Variants in KCNQ3 observed in about 807,000 individuals in gnomAD.
KCNQ3 encodes potassium voltage-gated channel subfamily KQT member 3.
Under a neutral mutation model 92.5 loss-of-function variants are expected in KCNQ3, and 30 were observed. That is an observed-to-expected ratio of 0.32 (90% CI 0.24 to 0.44). The LOEUF is 0.44. Among genes scored for constraint, KCNQ3 ranks in the 20% least tolerant of loss-of-function variants. The pLI is 1.00. For synonymous variants in KCNQ3, 450 were observed against 468.8 expected, an observed-to-expected ratio of 0.96 and a Z score of 0.52; for missense variants, 913 against 1,140.3, an observed-to-expected ratio of 0.80 and a Z score of 2.87.
chr8:132,338,619 G>T (rs1371262393), intron 1 of KCNQ3, among the ~76,000 whole-genome samples: 13 of 152,200 alleles, frequency 8.5e-5, no homozygotes, highest in African/African-American at 3.1e-4. Context: ...AGCCGAGGGT[G>T]TGAGAACACT....
At chr8:132,413,578 C>T (rs1453655593) in intron 1 of KCNQ3, among the ~76,000 whole-genome samples, 3 of 152,110 alleles carry the variant, frequency 2.0e-5, no homozygotes, top group African/African-American at 7.2e-5. Context: ...GGCCAGAATC[C>T]GAGAGGAATG....
intron 9 of KCNQ3, among the ~76,000 whole-genome samples, chr8:132,159,442 G>C (rs1027182790): frequency 3.3e-5 from 5 of 152,140 alleles, no homozygotes; most frequent in African/African-American, 1.2e-4. Context: ...CCAGAGCTTA[G>C]ACAGTAGCGG....
intron 9 of KCNQ3, among the ~76,000 whole-genome samples, chr8:132,153,104 T>C (rs1825687524): frequency 6.6e-6 from 1 of 152,266 alleles, no homozygotes; most frequent in Non-Finnish European, 1.5e-5. Flanking sequence ...TAACCCTGAT[T>C]GTTCCTGTGA....
intron 1 of KCNQ3, among the ~76,000 whole-genome samples, chr8:132,427,212 G>A (rs1323815025): frequency 6.6e-6 from 1 of 152,200 alleles, no homozygotes; most frequent in East Asian, 1.9e-4. Context: ...ACAGCAGGCT[G>A]ATGGCAGAGG....
At chr8:132,336,467 G>C (rs1219455925) in intron 1 of KCNQ3, among the ~76,000 whole-genome samples, 2 of 152,232 alleles carry the variant, frequency 1.3e-5, no homozygotes, top group Non-Finnish European at 2.9e-5. Context: ...CAGGGTTGGA[G>C]GATAATATTC....
intron 1 of KCNQ3, among the ~76,000 whole-genome samples, chr8:132,334,232 G>T (rs1388620187): frequency 6.6e-6 from 1 of 151,846 alleles, no homozygotes; most frequent in Non-Finnish European, 1.5e-5. Context: ...CTGTAATCTC[G>T]GAGGCGGAGG....
At chr8:132,242,994 A>G (rs1815043852) in intron 1 of KCNQ3, among the ~76,000 whole-genome samples, 1 of 152,196 alleles carries the variant, frequency 6.6e-6, no homozygotes, top group African/African-American at 2.4e-5. Flanking sequence ...TTACCCAAAG[A>G]AACAGTGGCA....
intron 1 of KCNQ3, among the ~76,000 whole-genome samples, chr8:132,354,508 T>G (rs1296292228): frequency 2.6e-5 from 4 of 152,188 alleles, no homozygotes; most frequent in African/African-American, 9.7e-5. Flanking sequence ...CCTGACATTT[T>G]CATCTCCATT....
intron 1 of KCNQ3, among the ~76,000 whole-genome samples, chr8:132,242,681 A>G (rs1410582676): frequency 6.6e-6 from 1 of 152,256 alleles, no homozygotes; most frequent in Non-Finnish European, 1.5e-5. Context: ...AGTACCTAGG[A>G]CAATGCCAGG....
intron 1 of KCNQ3, among the ~76,000 whole-genome samples, chr8:132,305,295 A>G (rs1168978062): frequency 6.6e-6 from 1 of 152,228 alleles, no homozygotes; most frequent in Non-Finnish European, 1.5e-5. Flanking sequence ...TGATGTAACC[A>G]TAACTCTGTA....
intron 1 of KCNQ3, among the ~76,000 whole-genome samples, chr8:132,266,024 A>T (rs954989592): frequency 2.0e-5 from 3 of 152,220 alleles, no homozygotes; most frequent in Non-Finnish European, 4.4e-5. Context: ...CCACTGCCAG[A>T]CAATTCATCT....
At chr8:132,281,133 G>C (rs1816499556) in intron 1 of KCNQ3, among the ~76,000 whole-genome samples, 1 of 152,186 alleles carries the variant, frequency 6.6e-6, no homozygotes, top group Non-Finnish European at 1.5e-5. Context: ...CATCAGCCCT[G>C]TGGATAAGAT....
At chr8:132,253,176 C>A (rs574385345) in intron 1 of KCNQ3, among the ~76,000 whole-genome samples, 9 of 152,182 alleles carry the variant, frequency 5.9e-5, no homozygotes, top group African/African-American at 2.2e-4. Context: ...GATTTAAAAC[C>A]CCACTTACTC....
At chr8:132,398,709 G>A in intron 1 of KCNQ3, among the ~76,000 whole-genome samples, 1 of 152,216 alleles carries the variant, frequency 6.6e-6, no homozygotes. Context: ...AAAGGTGGGG[G>A]ATACAGGAGA....
intron 9 of KCNQ3, among the ~76,000 whole-genome samples, chr8:132,162,872 C>T (rs1026820268): frequency 6.6e-6 from 1 of 152,110 alleles, no homozygotes; most frequent in East Asian, 1.9e-4. Flanking sequence ...ACTTAGTGTC[C>T]AGGAGATTGA....
chr8:132,407,297 C>T (rs922186004), intron 1 of KCNQ3, among the ~76,000 whole-genome samples: 1 of 152,136 alleles, frequency 6.6e-6, no homozygotes, highest in Non-Finnish European at 1.5e-5. Flanking sequence ...TGGCAGCGGA[C>T]ACCCTTTCCA....
intron 1 of KCNQ3, among the ~76,000 whole-genome samples, chr8:132,453,808 C>T (rs1189140505): frequency 3.3e-5 from 5 of 152,146 alleles, no homozygotes; most frequent in African/African-American, 4.8e-5. Context: ...TGGGGCTGAC[C>T]TGGCCCAACT....
At chr8:132,288,192 A>G (rs1416089940) in intron 1 of KCNQ3, among the ~76,000 whole-genome samples, 2 of 152,196 alleles carry the variant, frequency 1.3e-5, no homozygotes, top group East Asian at 1.9e-4. Flanking sequence ...AAATATATGG[A>G]TATGTTTATG....
chr8:132,399,291 T>C (rs1330027062), intron 1 of KCNQ3, among the ~76,000 whole-genome samples: 4 of 152,184 alleles, frequency 2.6e-5, no homozygotes, highest in African/African-American at 9.7e-5. Flanking sequence ...GGGAGTATTT[T>C]TTGCTTTCAA....
Sources: gnomAD v4.1 joint callset for allele counts (sites outside exome capture counted in the v4.1 genomes callset) on GRCh38, gnomAD v4.1.1 for gene constraint, MANE v1.5 for transcripts, NCBI Gene and HGNC (gene_info 2026-07-23, HGNC 2026-07-21) for gene names.